The following CLPB variants were observed in gnomAD, a reference collection of about 807,000 sequenced individuals.
CLPB encodes mitochondrial disaggregase.
CLPB carries 40 observed loss-of-function variants against 78.4 expected under a neutral mutation model. The ratio of observed to expected loss-of-function variants is 0.51; its 90% confidence interval spans 0.40 to 0.66. CLPB has a LOEUF of 0.66. CLPB is among the 30% of genes least tolerant of loss of function. CLPB has a pLI of 0.00. For synonymous variants in CLPB, 333 were observed against 348.0 expected (o/e 0.96, Z 0.48); for missense variants, 780 against 886.9 (o/e 0.88, Z 1.53).
intron 5 of CLPB, among the ~76,000 whole-genome samples, chr11:72,335,408 C>T (rs1456304168): frequency 6.6e-6 from 1 of 152,212 alleles, no homozygotes; most frequent in Admixed American, 6.5e-5. Flanking sequence ...CACTCGGGCT[C>T]CTCTGAATGT....
chr11:72,328,744 C>T (rs1311693199), intron 6 of CLPB, among the ~76,000 whole-genome samples: 1 of 152,230 alleles, frequency 6.6e-6, no homozygotes, highest in East Asian at 1.9e-4. Context: ...ACCACATGAC[C>T]TGTAGTCAAG....
At chr11:72,346,851 G>A (rs894446708) in intron 5 of CLPB, among the ~76,000 whole-genome samples, 18 of 151,634 alleles carry the variant, frequency 1.2e-4, no homozygotes, top group African/African-American at 1.7e-4. Context: ...CTTGGTGGTG[G>A]GCACCTGTAA....
intron 6 of CLPB, among the ~76,000 whole-genome samples, chr11:72,321,055 A>T (rs1950034879): frequency 6.6e-6 from 1 of 152,036 alleles, no homozygotes; most frequent in Non-Finnish European, 1.5e-5. Flanking sequence ...TAGCCAGTGG[A>T]GTAAACTAGA....
chr11:72,307,375 C>A (rs772436590), intron 8 of CLPB, 121 bp from the exon 9 acceptor site: 4 of 858,874 alleles, frequency 4.7e-6, no homozygotes, highest in Non-Finnish European at 7.5e-6. Context: ...AATGTTGAGG[C>A]GCAGAAAGGA....
At chr11:72,337,243 C>G (rs1950338732) in intron 5 of CLPB, 1 of 397,608 alleles carries the variant, frequency 2.5e-6, no homozygotes, top group African/African-American at 2.1e-5. Flanking sequence ...ACCACTGAGC[C>G]CTGCTCAACA....
chr11:72,430,233 G>A (rs1856504739), intron 2 of CLPB, 79 bp downstream of exon 2: 2 of 1,386,566 alleles, frequency 1.4e-6, no homozygotes, highest in Admixed American at 1.9e-5. Flanking sequence ...TTCCTCCAAA[G>A]CAAAGTCATC....
chr11:72,382,426 C>A (rs1486029069), intron 3 of CLPB, among the ~76,000 whole-genome samples: 2 of 152,240 alleles, frequency 1.3e-5, no homozygotes, highest in East Asian at 1.9e-4. Context: ...CCATTCCCTG[C>A]AGATTCAGGC....
intron 5 of CLPB, among the ~76,000 whole-genome samples, chr11:72,331,259 C>G (rs117902312): frequency 0.029 from 4,389 of 151,822 alleles, 110 homozygotes; most frequent in Non-Finnish European, 0.039. Flanking sequence ...AAAACATTAG[C>G]CGGGCGTGGT....
chr11:72,393,712 C>T (rs1855319991), intron 3 of CLPB, among the ~76,000 whole-genome samples: 1 of 152,176 alleles, frequency 6.6e-6, no homozygotes, highest in Non-Finnish European at 1.5e-5. Context: ...CCTGATGTTG[C>T]ACAGCAGACA....
chr11:72,378,371 T>G (rs1854784498), intron 4 of CLPB, among the ~76,000 whole-genome samples: 1 of 152,128 alleles, frequency 6.6e-6, no homozygotes, highest in Admixed American at 6.5e-5. Context: ...CAGGGAGGCC[T>G]CAGAATCATG....
chr11:72,404,155 C>T (rs1310378093), intron 2 of CLPB, among the ~76,000 whole-genome samples: 5 of 152,222 alleles, frequency 3.3e-5, no homozygotes, highest in Non-Finnish European at 5.9e-5. Flanking sequence ...ACATGAAAGA[C>T]AAACACTACA....
chr11:72,387,305 G>A (rs1185518681), intron 3 of CLPB, among the ~76,000 whole-genome samples: 2 of 152,166 alleles, frequency 1.3e-5, no homozygotes, highest in African/African-American at 4.8e-5. Flanking sequence ...AGGATAATAA[G>A]AGTAGCTCAT....
At chr11:72,407,292 GT>G (rs1265313759) in intron 2 of CLPB, among the ~76,000 whole-genome samples, 1 of 152,238 alleles carries the variant, frequency 6.6e-6, no homozygotes, top group Non-Finnish European at 1.5e-5. Flanking sequence ...CAGGACAGAG[GT>G]GTGCCTGTGT....
At chr11:72,375,094 C>T (rs982055687) in intron 4 of CLPB, among the ~76,000 whole-genome samples, 4 of 152,116 alleles carry the variant, frequency 2.6e-5, no homozygotes, top group African/African-American at 9.7e-5. Context: ...TACTCTATTC[C>T]CAAAGATCAC....
At chr11:72,357,188 G>A (rs1950734215) in intron 5 of CLPB, 1 of 152,244 alleles carries the variant, frequency 6.6e-6, no homozygotes, top group South Asian at 2.1e-4. Context: ...GGCCAGGCCT[G>A]GGTTTTAAGC....
chr11:72,385,233 T>C (rs1855040164), intron 3 of CLPB, among the ~76,000 whole-genome samples: 1 of 152,206 alleles, frequency 6.6e-6, no homozygotes, highest in East Asian at 1.9e-4. Flanking sequence ...CTCCAGTGGC[T>C]GTATAAGAAG....
intron 5 of CLPB, among the ~76,000 whole-genome samples, chr11:72,350,086 G>A (rs1022207625): frequency 5.9e-5 from 9 of 152,262 alleles, no homozygotes; most frequent in Non-Finnish European, 4.4e-5. Flanking sequence ...GTGGCTCCTC[G>A]ATGTCCACAG....
intron 3 of CLPB, among the ~76,000 whole-genome samples, chr11:72,383,652 T>C (rs1164545786): frequency 1.3e-5 from 2 of 151,600 alleles, no homozygotes; most frequent in Non-Finnish European, 2.9e-5. Flanking sequence ...ATAAACCTTA[T>C]AGGCCAGGAG....
chr11:72,365,065 ATCCCAGCAC>A (rs1479475268), intron 4 of CLPB, among the ~76,000 whole-genome samples: 1 of 152,178 alleles, frequency 6.6e-6, no homozygotes, highest in Non-Finnish European at 1.5e-5. Context: ...CCTACCTGTA[ATCCCAGCAC>A]TCTGTGAGTG....
Sources: gnomAD v4.1 joint callset for allele counts (sites outside exome capture counted in the v4.1 genomes callset) on GRCh38, gnomAD v4.1.1 for gene constraint, MANE v1.5 for transcripts, NCBI Gene and HGNC (gene_info 2026-07-23, HGNC 2026-07-21) for gene names.